ROR1: variants seen among roughly 807,000 people sequenced by gnomAD.
The protein encoded by ROR1 is ROR family WNT receptor 1.
Under a neutral mutation model 78.8 loss-of-function variants are expected in ROR1, and 19 were observed. The observed-to-expected ratio is 0.24, with a 90% CI of 0.17 to 0.35. The LOEUF (loss-of-function observed/expected upper bound fraction) is 0.35, where lower values mean the gene tolerates loss of function less well. Among genes scored for constraint, ROR1 ranks in the 10% least tolerant of loss-of-function variants. The pLI, the probability that ROR1 is intolerant of heterozygous loss-of-function variation, is 1.00. For synonymous variants in ROR1, 386 were observed against 433.6 expected (o/e 0.89, Z 1.36); for missense variants, 917 against 1,177.8 (o/e 0.78, Z 3.24).
At chr1:63,895,130 T>G (rs953910739) in intron 1 of ROR1, among the ~76,000 whole-genome samples, 1 of 152,212 alleles carries the variant, frequency 6.6e-6, no homozygotes, top group Non-Finnish European at 1.5e-5. Flanking sequence ...TCAAGCTTTT[T>G]AGATATAATT....
chr1:64,067,997 A>G (rs564686534), intron 4 of ROR1, among the ~76,000 whole-genome samples: 10 of 152,294 alleles, frequency 6.6e-5, no homozygotes, highest in Admixed American at 1.3e-4. Flanking sequence ...ATCTTGTATC[A>G]ACTCAGTATT....
At chr1:63,878,692 C>A (rs1645304095) in intron 1 of ROR1, among the ~76,000 whole-genome samples, 1 of 152,126 alleles carries the variant, frequency 6.6e-6, no homozygotes, top group African/African-American at 2.4e-5. Context: ...TTCCAGAAAA[C>A]CTAAAGGTGG....
intron 1 of ROR1, among the ~76,000 whole-genome samples, chr1:63,986,251 A>G (rs1331088746): frequency 6.6e-6 from 1 of 152,164 alleles, no homozygotes; most frequent in Non-Finnish European, 1.5e-5. Flanking sequence ...TTAAAAATTC[A>G]TTTATGTCTT....
intron 4 of ROR1, among the ~76,000 whole-genome samples, chr1:64,082,945 G>C (rs181856259): frequency 3.3e-5 from 5 of 152,278 alleles, no homozygotes; most frequent in African/African-American, 1.2e-4. Flanking sequence ...CTGCTTTCCA[G>C]AGGACCAGAA....
intron 2 of ROR1, among the ~76,000 whole-genome samples, chr1:64,032,533 A>G (rs1326087526): frequency 6.6e-6 from 1 of 152,164 alleles, no homozygotes; most frequent in East Asian, 1.9e-4. Context: ...CATGACCCAA[A>G]GAAAAGAATG....
At chr1:63,890,283 C>G (rs1164672158) in intron 1 of ROR1, among the ~76,000 whole-genome samples, 3 of 151,800 alleles carry the variant, frequency 2.0e-5, no homozygotes, top group Admixed American at 6.6e-5. Flanking sequence ...TGTCACCTTT[C>G]TAGTCCTGTT....
At chr1:63,892,575 C>T (rs9887958) in intron 1 of ROR1, among the ~76,000 whole-genome samples, 6,256 of 152,208 alleles carry the variant, frequency 0.041, 413 homozygotes, top group African/African-American at 0.13. Context: ...ATAAATGTTA[C>T]TTGCCCTAGG....
chr1:63,832,014 C>CA (rs1259886424), intron 1 of ROR1, among the ~76,000 whole-genome samples: 2 of 152,192 alleles, frequency 1.3e-5, no homozygotes, highest in African/African-American at 4.8e-5. Context: ...AGAGCAGGGG[C>CA]AAAATGCCAC....
chr1:64,054,400 C>A (rs759681537), intron 4 of ROR1, among the ~76,000 whole-genome samples: 1 of 152,164 alleles, frequency 6.6e-6, no homozygotes, highest in Non-Finnish European at 1.5e-5. Context: ...CCTCAGCCTC[C>A]CGAGTAGCTG....
intron 1 of ROR1, among the ~76,000 whole-genome samples, chr1:63,948,308 A>G (rs916621916): frequency 6.6e-6 from 1 of 152,032 alleles, no homozygotes; most frequent in Non-Finnish European, 1.5e-5. Flanking sequence ...AAATAAATAT[A>G]CATATATAAT....
At chr1:63,816,278 C>G (rs935199055) in intron 1 of ROR1, among the ~76,000 whole-genome samples, 40 of 152,288 alleles carry the variant, frequency 2.6e-4, no homozygotes, top group African/African-American at 8.9e-4. Flanking sequence ...CCACCCAAAT[C>G]TCATGTAGTA....
At chr1:63,993,195 T>C (rs1048908060) in intron 1 of ROR1, among the ~76,000 whole-genome samples, 5 of 152,206 alleles carry the variant, frequency 3.3e-5, no homozygotes, top group Admixed American at 6.5e-5. Flanking sequence ...CTTGGCAACC[T>C]GAGATGTTCA....
chr1:63,781,061 AG>A (rs1252364767), intron 1 of ROR1, among the ~76,000 whole-genome samples: 3 of 152,216 alleles, frequency 2.0e-5, no homozygotes, highest in Non-Finnish European at 2.9e-5. Flanking sequence ...TGTGGGAAGC[AG>A]GAGGGGTGAT....
intron 7 of ROR1, among the ~76,000 whole-genome samples, chr1:64,156,920 T>A (rs1193047618): frequency 1.3e-5 from 2 of 152,094 alleles, no homozygotes; most frequent in Non-Finnish European, 1.5e-5. Context: ...GACGATGGAA[T>A]CCCAGCTTTT....
chr1:64,047,547 G>A (rs1309161881), intron 2 of ROR1, among the ~76,000 whole-genome samples: 2 of 152,130 alleles, frequency 1.3e-5, no homozygotes, highest in East Asian at 3.9e-4. Context: ...TAATCACTAT[G>A]CTTATAGTGG....
rs1306850957 is a variant in ROR1 at position 63,935,838 on chromosome 1, T to G, written c.92-73467T>G. Among the ~76,000 whole-genome samples, 10 of 152,234 alleles carry G rather than the reference T, an allele frequency of 6.6e-5. No homozygotes were observed. In the South Asian group the frequency reaches 2.1e-3, roughly 32 times the overall value. ...TCTGTCTAGCACATTAGATAACTTT[T>G]GAAACGTTTGACATATTGCAGGTAG... On this transcript the variant is annotated intron_variant, in intron 1 of 8. Coordinates refer to ENST00000371079, the MANE Select transcript of ROR1 (RefSeq NM_005012.4).
At chr1:63,953,758 T>C (rs1569966537) in intron 1 of ROR1, among the ~76,000 whole-genome samples, 1 of 151,978 alleles carries the variant, frequency 6.6e-6, no homozygotes, top group African/African-American at 2.4e-5. Context: ...AGGGCAAGGG[T>C]GAGGTTTGTA....
intron 4 of ROR1, among the ~76,000 whole-genome samples, chr1:64,105,128 T>C (rs1302424311): frequency 6.6e-6 from 1 of 152,202 alleles, no homozygotes; most frequent in Non-Finnish European, 1.5e-5. Flanking sequence ...CATCTATTGT[T>C]TCTTGACTTT....
At chr1:63,868,714 C>A (rs962082750) in intron 1 of ROR1, among the ~76,000 whole-genome samples, 4 of 152,148 alleles carry the variant, frequency 2.6e-5, no homozygotes, top group African/African-American at 4.8e-5. Flanking sequence ...GCAGTCTCCA[C>A]CCCGTGGACA....
Sources: allele counts gnomAD v4.1 joint callset (sites outside exome capture counted in the v4.1 genomes callset), GRCh38; gene constraint gnomAD v4.1.1; transcripts MANE v1.5; gene names NCBI Gene and HGNC (gene_info 2026-07-23, HGNC 2026-07-21).